CDH18: variants seen among roughly 807,000 people sequenced by gnomAD.
The protein encoded by CDH18 is cadherin 18.
Under a neutral mutation model 67.9 loss-of-function variants are expected in CDH18, and 31 were observed. The ratio of observed to expected loss-of-function variants is 0.46; its 90% CI spans 0.34 to 0.62. The LOEUF (loss-of-function observed/expected upper bound fraction) is 0.62. Among genes scored for constraint, CDH18 ranks in the 20% least tolerant of loss-of-function variants. The pLI is 0.01. For synonymous variants in CDH18, 362 were observed against 347.2 expected (o/e 1.04, Z -0.48); for missense variants, 890 against 975.5 (o/e 0.91, Z 1.17).
chr5:19,881,285 C>T (rs1787609780), intron 2 of CDH18, among the ~76,000 whole-genome samples: 1 of 152,106 alleles, frequency 6.6e-6, no homozygotes, highest in Non-Finnish European at 1.5e-5. Flanking sequence ...GTCTTATGTG[C>T]TACCCACTAT....
At position 20,466,373 on chromosome 5, in the gene CDH18, A is replaced by C. The variant is rs1437947472; in HGVS notation, c.-580+109089T>G. Among the ~76,000 whole-genome samples, 3 of 152,072 alleles carry C rather than the reference A, an allele frequency of 2.0e-5. No homozygotes were observed. In the East Asian group the frequency reaches 5.8e-4, roughly 29 times the overall value. On this transcript the variant is annotated intron_variant, in intron 1 of 14. Transcript: ENST00000507958. Reference sequence around the variant, plus strand: ...TTTCCATTGTTATTTCAGATTGGGAAGTTCTTTATCGGAAAATCAATAAAA... The same window carrying C: ...TTTCCATTGTTATTTCAGATTGGGACGTTCTTTATCGGAAAATCAATAAAA...
At position 20,247,837 on chromosome 5, in the gene CDH18, T is replaced by C. The variant is rs6862591; in HGVS notation, c.-518+7607A>G. ...AAACAAAACATTTTGCCACTCTGATTTGTCAATAATAGATAGTAGCTAAAT... is the reference window on the plus strand; with the variant it reads ...AAACAAAACATTTTGCCACTCTGATCTGTCAATAATAGATAGTAGCTAAAT... On this transcript the variant is annotated intron_variant, in intron 2 of 14. Coordinates refer to the CDH18 transcript ENST00000507958. 5.9e-3 allele frequency among the ~76,000 whole-genome samples: 895 copies of C among 152,044 alleles called. 11 individuals are homozygous for C. Among genetic ancestry groups the C allele is most frequent in the African/African-American group, 0.021 (853 of 41,482 alleles).
At chr5:19,970,223 T>A (rs1037791374) in intron 2 of CDH18, among the ~76,000 whole-genome samples, 1 of 151,206 alleles carries the variant, frequency 6.6e-6, no homozygotes, top group Non-Finnish European at 1.5e-5. Flanking sequence ...TAAATTATAA[T>A]AAATTATAGT....
At position 20,127,125 on chromosome 5, in the gene CDH18, GT is replaced by G. The variant is rs112494122; in HGVS notation, c.-518+128318del. On this transcript the variant is annotated intron_variant, in intron 2 of 14. Transcript: ENST00000507958. ...CAGGAGTTGATTAAATCATGGGGTGGTTTCCCCCTTGTGGTTCTTGTGATAG... is the reference window on the plus strand; with the variant it reads ...CAGGAGTTGATTAAATCATGGGGTGGTTCCCCCTTGTGGTTCTTGTGATAG... Among the ~76,000 whole-genome samples, 339 of 152,236 alleles carry G rather than the reference GT, an allele frequency of 2.2e-3. 1 individual carries two copies. The highest frequency in any genetic ancestry group is 7.6e-3 in the African/African-American group (317 of 41,536).
chr5:20,554,566 T>A (rs1452997639), intron 1 of CDH18, among the ~76,000 whole-genome samples: 1 of 152,226 alleles, frequency 6.6e-6, no homozygotes, highest in African/African-American at 2.4e-5. Flanking sequence ...TCTCCATCAA[T>A]GATTACACAT....
At chr5:19,494,009 T>G (rs1189798131) in intron 11 of CDH18, among the ~76,000 whole-genome samples, 1 of 152,132 alleles carries the variant, frequency 6.6e-6, no homozygotes, top group Non-Finnish European at 1.5e-5. Context: ...TAGTTCTTTC[T>G]TTCAAATATC....
chr5:20,474,100 T>G (rs1255749021), intron 1 of CDH18, among the ~76,000 whole-genome samples: 1 of 152,172 alleles, frequency 6.6e-6, no homozygotes. Context: ...TGAAATATAT[T>G]TACCTTTGAG....
At chr5:19,816,005 A>T (rs1464539409) in intron 3 of CDH18, among the ~76,000 whole-genome samples, 1 of 151,934 alleles carries the variant, frequency 6.6e-6, no homozygotes, top group Non-Finnish European at 1.5e-5. Flanking sequence ...AGAAAATTCT[A>T]ACAGTTATAA....
chr5:19,766,326 G>A (rs77125828), intron 3 of CDH18, among the ~76,000 whole-genome samples: 4,427 of 152,094 alleles, frequency 0.029, 183 homozygotes, highest in East Asian at 0.22. Flanking sequence ...GGTTAATATC[G>A]ATTTTTCTTT....
intron 2 of CDH18, among the ~76,000 whole-genome samples, chr5:19,925,914 C>G (rs1250778124): frequency 6.6e-6 from 1 of 152,074 alleles, no homozygotes; most frequent in African/African-American, 2.4e-5. Context: ...GGGAATGGCA[C>G]CAGGTATGGT....
intron 3 of CDH18, among the ~76,000 whole-genome samples, chr5:19,750,772 C>A (rs1031095979): frequency 2.2e-4 from 26 of 116,732 alleles, no homozygotes; most frequent in African/African-American, 7.9e-4. Flanking sequence ...CCCCCCCCCC[C>A]CACTTTTTTT....
intron 7 of CDH18, among the ~76,000 whole-genome samples, chr5:19,578,808 TTC>T (rs1182560816): frequency 1.3e-5 from 2 of 152,024 alleles, no homozygotes; most frequent in Non-Finnish European, 2.9e-5. Context: ...GCCTTTTTTT[TTC>T]TGTGATTTGA....
chr5:20,269,890 A>C (rs746906233), intron 1 of CDH18, among the ~76,000 whole-genome samples: 17 of 152,242 alleles, frequency 1.1e-4, no homozygotes, highest in Non-Finnish European at 1.8e-4. Flanking sequence ...AAGGAGATAA[A>C]GAAAATGTAC....
chr5:19,870,630 G>A (rs1156650504), intron 2 of CDH18, among the ~76,000 whole-genome samples: 1 of 152,102 alleles, frequency 6.6e-6, no homozygotes, highest in Non-Finnish European at 1.5e-5. Flanking sequence ...TCTTGTGCTA[G>A]AGGTCTAGGC....
chr5:20,299,937 T>C (rs1747834454), intron 1 of CDH18, among the ~76,000 whole-genome samples: 1 of 151,994 alleles, frequency 6.6e-6, no homozygotes. Context: ...GGAAAGTAAA[T>C]AGAAATGTGT....
chr5:19,910,658 T>A (rs943375850), intron 2 of CDH18, among the ~76,000 whole-genome samples: 1 of 151,962 alleles, frequency 6.6e-6, no homozygotes, highest in African/African-American at 2.4e-5. Flanking sequence ...AAACATCAAA[T>A]CAAAATAAAA....
chr5:20,274,837 T>A (rs1433889563), intron 1 of CDH18, among the ~76,000 whole-genome samples: 2 of 152,150 alleles, frequency 1.3e-5, no homozygotes, highest in Non-Finnish European at 2.9e-5. Context: ...ATATAATCAA[T>A]GTAAATTATT....
chr5:19,821,874 G>T (rs761128808), intron 3 of CDH18, among the ~76,000 whole-genome samples: 35 of 151,980 alleles, frequency 2.3e-4, no homozygotes, highest in Non-Finnish European at 4.3e-4. Context: ...AGCTTCATAA[G>T]TAAAGAAGAA....
At chr5:19,881,582 C>T (rs1215877442) in intron 2 of CDH18, among the ~76,000 whole-genome samples, 1 of 150,152 alleles carries the variant, frequency 6.7e-6, no homozygotes, top group Non-Finnish European at 1.5e-5. Flanking sequence ...GATCCTGGCT[C>T]ACTGCAATCT....
Sources: allele counts gnomAD v4.1 joint callset (sites outside exome capture counted in the v4.1 genomes callset), GRCh38; gene constraint gnomAD v4.1.1; transcripts MANE v1.5; gene names NCBI Gene and HGNC (gene_info 2026-07-23, HGNC 2026-07-21).